Variants in FAM184A observed in about 807,000 individuals in gnomAD.
FAM184A encodes protein FAM184A.
Under a neutral mutation model 143.8 loss-of-function variants are expected in FAM184A, and 99 were observed. The observed-to-expected ratio is 0.69, with a 90% CI of 0.58 to 0.81. The LOEUF (loss-of-function observed/expected upper bound fraction) is 0.81. Ranked by LOEUF, FAM184A falls within the 40% of genes least tolerant of loss-of-function variation. FAM184A has a pLI of 0.00. For missense variants in FAM184A, 1,217 were observed against 1,310.5 expected (o/e 0.93, Z 1.10); for synonymous variants, 427 against 446.4 (o/e 0.96, Z 0.55).
intron 1 of FAM184A, among the ~76,000 whole-genome samples, chr6:119,148,624 T>C (rs1772536380): frequency 6.6e-6 from 1 of 152,098 alleles, no homozygotes; most frequent in Admixed American, 6.5e-5. Context: ...GCCAGCACTG[T>C]TCTATAAGCC....
intron 1 of FAM184A, among the ~76,000 whole-genome samples, chr6:119,126,676 G>A (rs1215700384): frequency 1.3e-5 from 2 of 152,220 alleles, no homozygotes; most frequent in East Asian, 3.8e-4. Context: ...CAGCTTATGT[G>A]TTTAAAGGCT....
intron 1 of FAM184A, among the ~76,000 whole-genome samples, chr6:119,132,554 G>A (rs745626746): frequency 3.9e-5 from 6 of 152,164 alleles, no homozygotes; most frequent in African/African-American, 7.2e-5. Context: ...AATTACAATT[G>A]TAAAGGCCAC....
intron 1 of FAM184A, among the ~76,000 whole-genome samples, chr6:119,037,306 T>C (rs760288021): frequency 6.6e-6 from 1 of 152,104 alleles, no homozygotes; most frequent in African/African-American, 2.4e-5. Flanking sequence ...ATAGCAGTTG[T>C]GAGGGGTTTT....
intron 1 of FAM184A, among the ~76,000 whole-genome samples, chr6:119,111,894 A>G (rs1788944055): frequency 6.6e-6 from 1 of 152,242 alleles, no homozygotes; most frequent in South Asian, 2.1e-4. Flanking sequence ...AAAGAAACAG[A>G]AAAGAGACTG....
chr6:118,979,591 A>C (rs1412252141), intron 10 of FAM184A, 73 bp from the exon 11 acceptor site: 10 of 1,128,574 alleles, frequency 8.9e-6, no homozygotes, highest in Non-Finnish European at 1.2e-5. Context: ...GAAAACAGTT[A>C]CTAAAACTCA....
Position 119,001,324 on chromosome 6 carries a change from A to G in FAM184A, c.2088+1575T>C, listed in dbSNP as rs1784750363. Among the ~76,000 whole-genome samples, 5 of 151,666 alleles carry G rather than the reference A, an allele frequency of 3.3e-5. No homozygotes were observed. The South Asian group carries it at 6.3e-4, about 19-fold the overall frequency. On this transcript the variant is annotated intron_variant, in intron 9 of 17. Coordinates refer to ENST00000338891, the MANE Select transcript of FAM184A (RefSeq NM_024581.6). ...AGTGTGGAAAAAGGAAGATATTATAATCTTGGAAATGGTCTGATGGCATGG... is the reference window on the plus strand; with the variant it reads ...AGTGTGGAAAAAGGAAGATATTATAGTCTTGGAAATGGTCTGATGGCATGG...
At chr6:119,117,317 T>C (rs1789085878) in intron 1 of FAM184A, among the ~76,000 whole-genome samples, 1 of 152,210 alleles carries the variant, frequency 6.6e-6, no homozygotes, top group African/African-American at 2.4e-5. Flanking sequence ...TGCCCTTAAC[T>C]AGGCTAGGAA....
At chr6:119,060,217 C>T (rs576299614) in intron 1 of FAM184A, among the ~76,000 whole-genome samples, 1 of 152,326 alleles carries the variant, frequency 6.6e-6, no homozygotes, top group East Asian at 1.9e-4. Flanking sequence ...GTAATTCTTT[C>T]CCTCCTAGTA....
rs149303474 is a variant in FAM184A at position 119,064,303 on chromosome 6, G to A, written c.159+13838C>T. ...TCAGTTCTTCAGCTACACCTACCAG[G>A]CAAAACTCAGGCTCTGGATTTGTAA... On this transcript the variant is annotated intron_variant, in intron 1 of 17. Transcript: ENST00000338891. Among the ~76,000 whole-genome samples, 25 of 152,160 alleles carry A rather than the reference G, an allele frequency of 1.6e-4. No individual in the cohort carries two copies. The East Asian group carries it at 4.8e-3, about 29-fold the overall frequency.
intron 9 of FAM184A, among the ~76,000 whole-genome samples, chr6:118,989,010 A>G (rs961323481): frequency 4.6e-5 from 6 of 131,208 alleles, no homozygotes; most frequent in Middle Eastern, 6.7e-3. Flanking sequence ...TACCCAGGCT[A>G]GAGTGCAGTG....
At chr6:119,092,405 G>A (rs561547694) in intron 1 of FAM184A, among the ~76,000 whole-genome samples, 2 of 152,218 alleles carry the variant, frequency 1.3e-5, no homozygotes, top group Admixed American at 1.3e-4. Flanking sequence ...ACAACATGTT[G>A]GGATTACAGG....
At chr6:119,110,776 A>T (rs188419068) in intron 1 of FAM184A, among the ~76,000 whole-genome samples, 1 of 152,368 alleles carries the variant, frequency 6.6e-6, no homozygotes, top group East Asian at 1.9e-4. Flanking sequence ...TTGTTAGTTA[A>T]ACCCACACAA....
At chr6:118,966,305 A>G (rs920250083) in intron 15 of FAM184A, among the ~76,000 whole-genome samples, 10 of 152,206 alleles carry the variant, frequency 6.6e-5, no homozygotes, top group Non-Finnish European at 1.2e-4. Context: ...TTTCCAAGAG[A>G]GAACCTCAGT....
At chr6:119,027,436 T>C (rs794251) in intron 1 of FAM184A, among the ~76,000 whole-genome samples, 80,634 of 152,024 alleles carry the variant, frequency 0.53, 22,242 homozygotes, top group Non-Finnish European at 0.59. Flanking sequence ...GTTCCTGACA[T>C]AGAGCTCCTA....
At position 119,032,550 on chromosome 6, in the gene FAM184A, AGAGAAG is replaced by A. The variant is rs528608680; in HGVS notation, c.160-7743_160-7738del. Among the ~76,000 whole-genome samples the A allele has an allele frequency of 4.3e-3, 573 of 133,356 alleles. 9 individuals carry two copies. The highest frequency in any genetic ancestry group is 0.016 in the African/African-American group (548 of 35,136). The allele number at this position is 133,356 out of a possible 152,430, so 87.5% of individuals were successfully genotyped here. On this transcript the variant is annotated intron_variant, in intron 1 of 17. Transcript: ENST00000338891. ...AGAGGGAGAGGGAGAGGGAGAGGGA[AGAGAAG>A]GAGAAGGAGAAGGAAGAGGAGGAAG...
chr6:119,013,284 G>A (rs934766939), intron 5 of FAM184A, among the ~76,000 whole-genome samples: 1 of 152,192 alleles, frequency 6.6e-6, no homozygotes, highest in African/African-American at 2.4e-5. Context: ...AAGGGATAAT[G>A]AGGAGTAAAG....
At chr6:119,054,810 G>A (rs543096369) in intron 1 of FAM184A, among the ~76,000 whole-genome samples, 1 of 152,094 alleles carries the variant, frequency 6.6e-6, no homozygotes, top group South Asian at 2.1e-4. Flanking sequence ...TGCCTTATAG[G>A]TCCTATACTC....
intron 1 of FAM184A, among the ~76,000 whole-genome samples, chr6:119,034,021 T>TAA (rs1786004231): frequency 2.0e-5 from 1 of 50,462 alleles, no homozygotes; most frequent in Admixed American, 4.2e-4. Context: ...AAAAAAAAAA[T>TAA]ATATATATAT....
chr6:119,087,997 A>C (rs150981250), intron 1 of FAM184A, among the ~76,000 whole-genome samples: 265 of 152,342 alleles, frequency 1.7e-3, no homozygotes, highest in African/African-American at 6.1e-3. Context: ...AAGGACAAAT[A>C]CCATATGATG....
Sources: gnomAD v4.1 joint callset for allele counts (sites outside exome capture counted in the v4.1 genomes callset) on GRCh38, gnomAD v4.1.1 for gene constraint, MANE v1.5 for transcripts, NCBI Gene and HGNC (gene_info 2026-07-23, HGNC 2026-07-21) for gene names.